The following MAPK14 variants were observed in gnomAD, a reference collection of about 807,000 sequenced individuals.
MAPK14 encodes mitogen-activated protein kinase 14, also known as CSAID-binding protein.
Under a neutral mutation model 49.6 loss-of-function variants are expected in MAPK14, and 16 were observed. The observed-to-expected ratio is 0.32, with a 90% confidence interval of 0.22 to 0.49. MAPK14 has a LOEUF of 0.49. MAPK14 is among the 20% of genes least tolerant of loss of function. The pLI, the probability that MAPK14 is intolerant of heterozygous loss-of-function variation, is 0.99. For synonymous variants in MAPK14, 142 were observed against 158.0 expected (o/e 0.90, Z 0.76); for missense variants, 200 against 441.2 (o/e 0.45, Z 4.90).
At chr6:36,062,246 G>A (rs1405528913) in intron 3 of MAPK14, among the ~76,000 whole-genome samples, 1 of 152,160 alleles carries the variant, frequency 6.6e-6, no homozygotes, top group Non-Finnish European at 1.5e-5. Context: ...AAAGTGCTGG[G>A]ATTACAGACA....
At chr6:36,038,701 T>C (rs181472168) in intron 1 of MAPK14, among the ~76,000 whole-genome samples, 1 of 152,242 alleles carries the variant, frequency 6.6e-6, no homozygotes, top group Non-Finnish European at 1.5e-5. Flanking sequence ...GAGCCAGTAT[T>C]TTTGTTGGGC....
At chr6:36,060,524 G>C (rs1227611661) in intron 3 of MAPK14, among the ~76,000 whole-genome samples, 1 of 152,188 alleles carries the variant, frequency 6.6e-6, no homozygotes, top group African/African-American at 2.4e-5. Context: ...AGCCAAAACA[G>C]AACTGAAGAT....
At chr6:36,050,809 A>G (rs1048234538) in intron 1 of MAPK14, among the ~76,000 whole-genome samples, 2 of 152,216 alleles carry the variant, frequency 1.3e-5, no homozygotes, top group Non-Finnish European at 2.9e-5. Flanking sequence ...TTCTAATGGC[A>G]GGGCTATAAG....
At chr6:36,078,631 A>G (rs553755659) in intron 8 of MAPK14, among the ~76,000 whole-genome samples, 8 of 152,236 alleles carry the variant, frequency 5.3e-5, no homozygotes, top group East Asian at 3.9e-4. Flanking sequence ...AAACTTTTTA[A>G]TAAGGGATTC....
intron 10 of MAPK14, among the ~76,000 whole-genome samples, chr6:36,105,334 T>C (rs1196662449): frequency 6.6e-6 from 1 of 152,136 alleles, no homozygotes; most frequent in Non-Finnish European, 1.5e-5. Flanking sequence ...CCTCGAACTC[T>C]TGTGTTTAAG....
chr6:36,089,636 G>C (rs1765138607), intron 8 of MAPK14, among the ~76,000 whole-genome samples: 1 of 152,178 alleles, frequency 6.6e-6, no homozygotes, highest in Non-Finnish European at 1.5e-5. Context: ...TGACTTTGCA[G>C]AACCCTTCCA....
In MAPK14 at chr6:36,092,714, G is replaced by A. The variant is rs975345402; in HGVS notation, c.683-3273G>A. 6.5e-5 allele frequency: 19 copies of A among 291,808 alleles called. 1 individual carries two copies. The highest frequency in any genetic ancestry group is 5.5e-4 in the South Asian group (17 of 30,696). The allele number at this position is 291,808 out of a possible 1,614,324, so 18.1% of individuals were successfully genotyped here. A position where few individuals can be genotyped will look rare whatever the true frequency, so the allele number is the denominator to read the frequency against. The stretch of plus-strand genomic sequence containing the variant: ...CCTCCAAAGTGTAGGGGTGACAAAG[G>A]GAAGAGGACAAAAGAACTACTGGAG... On this transcript the variant is annotated intron_variant, in intron 8 of 11. Coordinates refer to ENST00000229794, the MANE Select transcript of MAPK14 (RefSeq NM_139012.3).
At position 36,029,530 on chromosome 6, in the gene MAPK14, T is replaced by TG. The variant is rs1762455543; in HGVS notation, c.116+1258dup. Among the ~76,000 whole-genome samples, 3 of 152,218 alleles carry TG rather than the reference T, an allele frequency of 2.0e-5. No homozygotes were observed. In the South Asian group the frequency reaches 6.2e-4, roughly 31 times the overall value. ...TTTTCTGTGTTTTAGTAATTCGTAT[T>TG]GTATGCGTCATTTGAAAACGGGCCT... On this transcript the variant is annotated intron_variant, in intron 1 of 11. Coordinates refer to ENST00000229794, the MANE Select transcript of MAPK14 (RefSeq NM_139012.3).
rs1054438030 is a variant in MAPK14, at chr6:36,094,442, T to G, written c.683-1545T>G. ...CTGTGTTCTAATAAAACTTTATATA[T>G]AAAACAGGCAGAGCCTGGGGTTTGG... On this transcript the variant is annotated intron_variant, in intron 8 of 11. Transcript: ENST00000229794. 1.6e-4 allele frequency among the ~76,000 whole-genome samples: 25 copies of G among 152,218 alleles called. 1 individual carries two copies. The highest frequency in any genetic ancestry group is 1.4e-3 in the Admixed American group (22 of 15,280).
the MAPK14 span, among the ~76,000 whole-genome samples, chr6:36,122,311 G>C: frequency 6.6e-6 from 1 of 152,254 alleles, no homozygotes; most frequent in East Asian, 1.9e-4. Flanking sequence ...CCTGAGGCAG[G>C]CTGCACACAG....
intron 7 of MAPK14, 28 bp downstream of exon 7, chr6:36,075,990 CTTAT>C: frequency 6.2e-7 from 1 of 1,611,376 alleles, no homozygotes; most frequent in Non-Finnish European, 8.5e-7. Context: ...TATTTAGGGC[CTTAT>C]TTAATTCCAT....
At chr6:36,093,197 G>A (rs1458474920) in intron 8 of MAPK14, among the ~76,000 whole-genome samples, 1 of 152,138 alleles carries the variant, frequency 6.6e-6, no homozygotes, top group Non-Finnish European at 1.5e-5. Context: ...GAAGCATTGA[G>A]TGCATTAAAG....
chr6:36,080,280 C>G (rs1412492161), intron 8 of MAPK14, among the ~76,000 whole-genome samples: 1 of 152,156 alleles, frequency 6.6e-6, no homozygotes, highest in Non-Finnish European at 1.5e-5. Flanking sequence ...GCATTAATTA[C>G]ATTCATGATG....
chr6:36,099,727 C>T (rs181679730), intron 9 of MAPK14, among the ~76,000 whole-genome samples: 30 of 152,268 alleles, frequency 2.0e-4, no homozygotes, highest in African/African-American at 6.7e-4. Context: ...GGGATGGTGC[C>T]TTGGAGAACC....
Position 36,027,918 on chromosome 6 carries a change from C to T in MAPK14, c.-240C>T. ...AGATCGCGGCGGGCGCAGTCTTGAG[C>T]GCCGGAGCGCGTCCCTGCCCTTAGC... On this transcript the variant is annotated 5_prime_UTR_variant, in exon 1 of 12. Coordinates refer to ENST00000229794, the MANE Select transcript of MAPK14 (RefSeq NM_139012.3). 2.4e-6 allele frequency: 1 copy of T among 415,610 alleles called. No homozygotes were observed. Among genetic ancestry groups the T allele is most frequent in the Non-Finnish European group, 4.2e-6 (1 of 238,310 alleles). The allele number at this position is 415,610 out of a possible 1,614,324, so 25.7% of individuals were successfully genotyped here.
At chr6:36,041,431 A>G (rs1402021307) in intron 1 of MAPK14, among the ~76,000 whole-genome samples, 1 of 152,122 alleles carries the variant, frequency 6.6e-6, no homozygotes, top group Non-Finnish European at 1.5e-5. Flanking sequence ...TTGTTCATAT[A>G]CTATCCTTCC....
At chr6:36,093,221 G>A (rs948392250) in intron 8 of MAPK14, among the ~76,000 whole-genome samples, 1 of 152,130 alleles carries the variant, frequency 6.6e-6, no homozygotes, top group Admixed American at 6.5e-5. Flanking sequence ...AATAATTTGA[G>A]CCAGAGTCAA....
intron 2 of MAPK14, 79 bp downstream of exon 2, chr6:36,052,907 A>G: frequency 3.0e-6 from 4 of 1,324,178 alleles, no homozygotes; most frequent in Non-Finnish European, 3.1e-6. Flanking sequence ...TGCAGATGGA[A>G]ATACGCTGGA....
At chr6:36,079,991 T>C (rs2127449702) in intron 8 of MAPK14, among the ~76,000 whole-genome samples, 1 of 152,228 alleles carries the variant, frequency 6.6e-6, no homozygotes, top group Non-Finnish European at 1.5e-5. Flanking sequence ...TTGCCCACGC[T>C]GGAGTGCAGT....
Sources: allele counts gnomAD v4.1 joint callset (sites outside exome capture counted in the v4.1 genomes callset), GRCh38; gene constraint gnomAD v4.1.1; transcripts MANE v1.5; gene names NCBI Gene and HGNC (gene_info 2026-07-23, HGNC 2026-07-21).